Variants in AARS1 observed in about 807,000 individuals in gnomAD.
AARS1 encodes the protein alanine--tRNA ligase, cytoplasmic.
AARS1 carries 72 observed loss-of-function variants against 108.9 expected under a neutral mutation model. The ratio of observed to expected loss-of-function variants is 0.66; its 90% confidence interval spans 0.55 to 0.80. The LOEUF (loss-of-function observed/expected upper bound fraction) is 0.80, where lower values mean the gene tolerates loss of function less well. Ranked by LOEUF, AARS1 falls within the 30% of genes least tolerant of loss-of-function variation. The pLI is 0.00. For missense variants in AARS1, 1,193 were observed against 1,233.2 expected, an observed-to-expected ratio of 0.97 and a Z score of 0.49; for synonymous variants, 489 against 465.7, an observed-to-expected ratio of 1.05 and a Z score of -0.64.
At chr16:70,272,243 G>C (rs1279170904) in intron 4 of AARS1, among the ~76,000 whole-genome samples, 1 of 152,116 alleles carries the variant, frequency 6.6e-6, no homozygotes, top group Non-Finnish European at 1.5e-5. Flanking sequence ...GGTGGCTCAT[G>C]CCTGTAATCC....
At chr16:70,253,152 C>A (rs748690476) in intron 20 of AARS1, 116 bp downstream of exon 20, 13 of 976,258 alleles carry the variant, frequency 1.3e-5, no homozygotes, top group Non-Finnish European at 1.9e-5. Context: ...GGGGTACTGG[C>A]AAAGGTAACC....
At chr16:70,268,161 C>T in intron 8 of AARS1, 110 bp downstream of exon 8, 1 of 1,018,786 alleles carries the variant, frequency 9.8e-7, no homozygotes, top group Admixed American at 2.0e-5. Context: ...GAGTGAGACT[C>T]CGTCTCAAAA....
rs184338552 is a variant in AARS1, at chr16:70,259,589, C to T, written c.1786-403G>A. Among the ~76,000 whole-genome samples, 9 of 152,136 alleles carry T rather than the reference C, an allele frequency of 5.9e-5. No homozygotes were observed. The East Asian group carries it at 1.7e-3, about 29-fold the overall frequency. ...CCTCAAACTCCTGGGCTCAAGTGAT[C>T]CTCTTGCCTCAGCCTCCCAAGTAGC... On this transcript the variant is annotated intron_variant, in intron 13 of 20. Coordinates refer to ENST00000261772, the MANE Select transcript of AARS1 (RefSeq NM_001605.3).
chr16:70,288,103 T>C (rs1267193381), intron 1 of AARS1, among the ~76,000 whole-genome samples: 3 of 137,096 alleles, frequency 2.2e-5, no homozygotes, highest in Non-Finnish European at 4.7e-5. Flanking sequence ...TTCTTCTTTT[T>C]TTTTTTTTTT....
chr16:70,253,333 A>G lies in AARS1; in HGVS notation c.2656T>C (p.Ser886Pro). 6.2e-7 allele frequency: 1 copy of G among 1,614,158 alleles called. No individual in the cohort carries two copies. The highest frequency in any genetic ancestry group is 8.5e-7 in the Non-Finnish European group (1 of 1,180,008). ...TTGTCCACCGTGAAGAGCATGGCAGAAGTCTGAGGGGAGTGCATCTTGAAG... is the reference window on the plus strand; with the variant it reads ...TTGTCCACCGTGAAGAGCATGGCAGGAGTCTGAGGGGAGTGCATCTTGAAG... Reference protein sequence around the residue: ...KLFKMHSPQTSAMLFTVDNEA... With the variant: ...KLFKMHSPQTPAMLFTVDNEA... Residue 886 changes from serine to proline, a missense_variant, in exon 20 of 21, where the codon TCT becomes CCT. Ser to Pro is a moderately conservative substitution (Grantham distance 74). Transcript: ENST00000261772.
intron 8 of AARS1, 125 bp from the exon 9 acceptor site, chr16:70,267,934 G>A (rs1483361809): frequency 1.9e-5 from 26 of 1,343,600 alleles, no homozygotes; most frequent in Admixed American, 5.6e-5. Flanking sequence ...TTGGGAAGCC[G>A]AGGCAGGTGG....
intron 3 of AARS1, 76 bp from the exon 4 acceptor site, chr16:70,276,707 AAC>A: frequency 6.7e-7 from 1 of 1,488,534 alleles, no homozygotes; most frequent in Non-Finnish European, 9.3e-7. Context: ...AGATGCTAGG[AAC>A]ACAGATACAA....
chr16:70,253,369 C>T lies in AARS1; in HGVS notation c.2620G>A (p.Ala874Thr), dbSNP rs1248923355. The T allele has an allele frequency of 1.2e-6, 2 of 1,613,640 alleles. No individual in the cohort carries two copies. The highest frequency in any genetic ancestry group is 1.7e-6 in the Non-Finnish European group (2 of 1,179,558). The stretch of plus-strand genomic sequence containing the variant: ...GAGTGCATCTTGAAGAGCTTCAAGG[C>T]TTCATTCAGGGCCTGTGGGGAGGAC... The part of the protein sequence containing the change: ...SGASAKALNE[A>T]LKLFKMHSPQ... The change falls in exon 20 of 21, where the codon GCC becomes ACC. Residue 874 changes from alanine to threonine, a missense_variant. Ala to Thr is a moderately conservative substitution (Grantham distance 58). Coordinates refer to ENST00000261772, the MANE Select transcript of AARS1 (RefSeq NM_001605.3).
chr16:70,278,285 C>T (rs1339652239), intron 2 of AARS1, among the ~76,000 whole-genome samples: 1 of 151,846 alleles, frequency 6.6e-6, no homozygotes, highest in African/African-American at 2.4e-5. Context: ...AAATTCTCAG[C>T]TGGGCGCAGT....
rs1363216571 is a variant in AARS1, at chr16:70,255,727, C to A, written c.2286+1G>T. 6.2e-7 allele frequency: 1 copy of A among 1,613,920 alleles called. No homozygotes were observed. Among genetic ancestry groups the A allele is most frequent in the Non-Finnish European group, 8.5e-7 (1 of 1,179,928 alleles). On this transcript the variant is annotated splice_donor_variant, in intron 16 of 20. Coordinates refer to ENST00000261772, the MANE Select transcript of AARS1 (RefSeq NM_001605.3). LOFTEE classifies it high-confidence loss of function. ...GCCACAAACCAGCCTGACCTGCTCACCTTCTGGGCCTCGGCACCTGTGACA... is the reference window on the plus strand; with the variant it reads ...GCCACAAACCAGCCTGACCTGCTCAACTTCTGGGCCTCGGCACCTGTGACA...
intron 7 of AARS1, among the ~76,000 whole-genome samples, chr16:70,269,277 G>T (rs1007100892): frequency 3.5e-5 from 5 of 143,268 alleles, no homozygotes; most frequent in Non-Finnish European, 1.5e-5. Flanking sequence ...CCAAGATCGG[G>T]CCATTGCACT....
chr16:70,267,906 G>A (rs1236803265), intron 8 of AARS1, 97 bp from the exon 9 acceptor site: 17 of 1,541,460 alleles, frequency 1.1e-5, no homozygotes, highest in Non-Finnish European at 1.5e-5. Context: ...AGTGGCTCAC[G>A]CCTGTAATCC....
intron 7 of AARS1, among the ~76,000 whole-genome samples, chr16:70,269,257 T>G (rs1597441539): frequency 7.4e-6 from 1 of 135,824 alleles, no homozygotes; most frequent in African/African-American, 2.8e-5. Flanking sequence ...GAGGTGGAGG[T>G]TGCGGTGAGC....
chr16:70,262,620 T>C, intron 11 of AARS1, 96 bp from the exon 12 acceptor site: 3 of 1,226,660 alleles, frequency 2.4e-6, no homozygotes, highest in Admixed American at 2.4e-5. Flanking sequence ...TCGCAAACTC[T>C]TCTTAGCTCC....
intron 4 of AARS1, among the ~76,000 whole-genome samples, chr16:70,272,873 G>A (rs558911148): frequency 1.5e-5 from 2 of 132,476 alleles, no homozygotes; most frequent in African/African-American, 6.2e-5. Context: ...TCATGCCACT[G>A]CACTCCAGCC....
chr16:70,279,350 C>CAAAA (rs57438636), intron 2 of AARS1, among the ~76,000 whole-genome samples: 3 of 37,796 alleles, frequency 7.9e-5, no homozygotes, highest in African/African-American at 2.3e-4. Context: ...AACTTCATCT[C>CAAAA]AAAAAAAAAA....
rs765555696 is a variant in AARS1 at position 70,276,512 on chromosome 16, T to C, written c.453A>G (p.Glu151=). 3.1e-6 allele frequency: 5 copies of C among 1,614,132 alleles called. No individual in the cohort carries two copies. Among genetic ancestry groups the C allele is most frequent in the Non-Finnish European group, 4.2e-6 (5 of 1,180,018 alleles). Residue 151 remains glutamate (E), a synonymous_variant, in exon 4 of 21, where the codon GAA becomes GAG. Transcript: ENST00000261772. ...CCAAATTTTGCCAGATCTGTTTGCA[T>C]TCCAGATCTGCTTCTAAGCCAGCTG... The part of the protein sequence containing the change: ...DEAAGLEADL[E]CKQIWQNLGL...
chr16:70,280,757 A>G, intron 2 of AARS1, among the ~76,000 whole-genome samples: 1 of 152,196 alleles, frequency 6.6e-6, no homozygotes, highest in East Asian at 1.9e-4. Flanking sequence ...ACTCCTTTAT[A>G]AACTTGTCAT....
intron 7 of AARS1, among the ~76,000 whole-genome samples, chr16:70,269,322 GAAAAAAAAAAAAAAAAAAAAAAAAA>G (rs56394253): frequency 0.01 from 648 of 64,284 alleles, 23 homozygotes; most frequent in African/African-American, 0.039. Flanking sequence ...TTCTGTCTCA[GAAAAAAAAAAAAAAAAAAAAAAAAA>G]AAAAAAAAAA....
Sources: gnomAD v4.1 joint callset for allele counts (sites outside exome capture counted in the v4.1 genomes callset) on GRCh38, gnomAD v4.1.1 for gene constraint, MANE v1.5 for transcripts, NCBI Gene and HGNC (gene_info 2026-07-23, HGNC 2026-07-21) for gene names.